STK3: variants seen among roughly 807,000 people sequenced by gnomAD.
STK3 encodes the protein serine/threonine-protein kinase 3.
A neutral mutation model predicts 58.0 loss-of-function variants in STK3; 41 were observed. The observed-to-expected ratio is 0.71, with a 90% CI of 0.55 to 0.92. The LOEUF (loss-of-function observed/expected upper bound fraction) is 0.92, where lower values mean the gene tolerates loss of function less well. Ranked by LOEUF, STK3 falls within the 40% of genes least tolerant of loss-of-function variation. STK3 has a pLI of 0.00. For synonymous variants in STK3, 170 were observed against 191.0 expected (o/e 0.89, Z 0.91); for missense variants, 479 against 602.7 (o/e 0.79, Z 2.15).
At chr8:98,845,234 A>G (rs1239963171) in intron 3 of STK3, among the ~76,000 whole-genome samples, 2 of 151,996 alleles carry the variant, frequency 1.3e-5, no homozygotes, top group Non-Finnish European at 2.9e-5. Flanking sequence ...TTTGTTTTGC[A>G]TTCAGTTTTA....
intron 1 of STK3, among the ~76,000 whole-genome samples, chr8:98,914,452 G>A (rs1339853851): frequency 7.0e-6 from 1 of 143,726 alleles, no homozygotes; most frequent in Non-Finnish European, 1.5e-5. Flanking sequence ...TTGTGTGCAA[G>A]CACATGCCTA....
At chr8:98,842,954 C>T (rs1836055255) in intron 3 of STK3, among the ~76,000 whole-genome samples, 1 of 152,010 alleles carries the variant, frequency 6.6e-6, no homozygotes, top group South Asian at 2.1e-4. Context: ...GACGTGGAGG[C>T]TGCAGTAGCC....
At chr8:98,585,806 C>T (rs1190694438) in intron 7 of STK3, among the ~76,000 whole-genome samples, 2 of 151,876 alleles carry the variant, frequency 1.3e-5, no homozygotes, top group Non-Finnish European at 2.9e-5. Flanking sequence ...TGAAGAGGTC[C>T]TTCACATCCC....
chr8:98,445,288 C>A (rs901569655), intron 1 of STK3, among the ~76,000 whole-genome samples: 2 of 152,038 alleles, frequency 1.3e-5, no homozygotes, highest in African/African-American at 4.8e-5. Flanking sequence ...CTGATGGATG[C>A]GTTTAGCTAA....
the STK3 span, among the ~76,000 whole-genome samples, chr8:98,352,893 T>C: frequency 6.6e-6 from 1 of 152,252 alleles, no homozygotes. Flanking sequence ...GTGATGCTAC[T>C]GTGCTGCTTA....
At chr8:98,394,760 TA>T (rs1817882718) in intron 3 of STK3, among the ~76,000 whole-genome samples, 1 of 152,192 alleles carries the variant, frequency 6.6e-6, no homozygotes, top group Non-Finnish European at 1.5e-5. Flanking sequence ...CACCAACAAA[TA>T]CTAAGTTACT....
intron 1 of STK3, among the ~76,000 whole-genome samples, chr8:98,797,192 T>A (rs1203522077): frequency 2.0e-5 from 3 of 152,232 alleles, no homozygotes; most frequent in Admixed American, 1.3e-4. Context: ...TCTGATAACT[T>A]ATTGCAGCTT....
intron 1 of STK3, among the ~76,000 whole-genome samples, chr8:98,907,526 A>C (rs878911221): frequency 5.3e-5 from 8 of 152,126 alleles, no homozygotes; most frequent in Admixed American, 2.6e-4. Flanking sequence ...ACAAACAAAC[A>C]AACAAAAAAA....
At chr8:98,640,270 G>C (rs2130600656) in intron 6 of STK3, among the ~76,000 whole-genome samples, 1 of 152,184 alleles carries the variant, frequency 6.6e-6, no homozygotes, top group South Asian at 2.1e-4. Context: ...GGCTGGTCTA[G>C]AACTCCTGAG....
intron 4 of STK3, among the ~76,000 whole-genome samples, chr8:98,710,654 T>C (rs1191278845): frequency 6.6e-6 from 1 of 152,220 alleles, no homozygotes; most frequent in Admixed American, 6.5e-5. Flanking sequence ...AAGCTCAAAC[T>C]GGGTGCAGCC....
intron 8 of STK3, among the ~76,000 whole-genome samples, chr8:98,558,405 C>A (rs1360526454): frequency 6.6e-6 from 1 of 152,044 alleles, no homozygotes; most frequent in East Asian, 1.9e-4. Context: ...CATGTTGATA[C>A]CTTTATATAA....
intron 7 of STK3, among the ~76,000 whole-genome samples, chr8:98,585,221 G>A (rs1344978193): frequency 6.6e-6 from 1 of 151,392 alleles, no homozygotes; most frequent in African/African-American, 2.4e-5. Flanking sequence ...GGGTTTTTAT[G>A]GTTTTAGGTC....
the STK3 span, among the ~76,000 whole-genome samples, chr8:98,351,535 G>T: frequency 6.6e-6 from 1 of 152,094 alleles, no homozygotes; most frequent in African/African-American, 2.4e-5. Flanking sequence ...AGGATTCTTG[G>T]CATGGAAGAA....
At chr8:98,481,147 T>C (rs1351945639) in intron 10 of STK3, among the ~76,000 whole-genome samples, 1 of 151,994 alleles carries the variant, frequency 6.6e-6, no homozygotes, top group Non-Finnish European at 1.5e-5. Flanking sequence ...CAACCACTGC[T>C]AGAAAATCCA....
At chr8:98,620,622 C>G (rs1474569930) in intron 6 of STK3, among the ~76,000 whole-genome samples, 1 of 149,612 alleles carries the variant, frequency 6.7e-6, no homozygotes, top group Non-Finnish European at 1.5e-5. Flanking sequence ...CATGCTGCTA[C>G]TTGAAGAGCC....
At chr8:98,650,497 G>T (rs963956372) in intron 6 of STK3, among the ~76,000 whole-genome samples, 3 of 152,242 alleles carry the variant, frequency 2.0e-5, no homozygotes, top group African/African-American at 4.8e-5. Context: ...CGCAGGACAG[G>T]GGGTGCAGCG....
chr8:98,400,729 T>A (rs1426050714), downstream of STK3, among the ~76,000 whole-genome samples: 1 of 152,200 alleles, frequency 6.6e-6, no homozygotes, highest in African/African-American at 2.4e-5. Flanking sequence ...TTCTAAATAA[T>A]CTTAGATTTG....
the STK3 span, among the ~76,000 whole-genome samples, chr8:98,360,705 T>C: frequency 6.6e-6 from 1 of 152,174 alleles, no homozygotes; most frequent in Non-Finnish European, 1.5e-5. Context: ...CTTTAATATT[T>C]TACGATGCAG....
chr8:98,894,322 C>T (rs538659150), intron 1 of STK3, among the ~76,000 whole-genome samples: 1 of 152,316 alleles, frequency 6.6e-6, no homozygotes, highest in East Asian at 1.9e-4. Flanking sequence ...GCCCAAACTA[C>T]CTTGTTATCT....
Sources: allele counts gnomAD v4.1 joint callset (sites outside exome capture counted in the v4.1 genomes callset), GRCh38; gene constraint gnomAD v4.1.1; transcripts MANE v1.5; gene names NCBI Gene and HGNC (gene_info 2026-07-23, HGNC 2026-07-21).